Variants in ACAT2 observed in about 807,000 individuals in gnomAD.
ACAT2 encodes acetyl-CoA acetyltransferase, cytosolic.
A neutral mutation model predicts 37.1 loss-of-function variants in ACAT2; 26 were observed. The ratio of observed to expected loss-of-function variants is 0.70; its 90% CI spans 0.51 to 0.97. The LOEUF (loss-of-function observed/expected upper bound fraction) is 0.97, where lower values mean the gene tolerates loss of function less well. Among genes scored for constraint, ACAT2 ranks in the 50% least tolerant of loss-of-function variants. ACAT2 has a pLI of 0.00. For synonymous variants in ACAT2, 156 were observed against 163.6 expected (o/e 0.95, Z 0.35); for missense variants, 468 against 489.0 (o/e 0.96, Z 0.40).
At chr6:159,778,336 T>C in intron 8 of ACAT2, 56 bp downstream of exon 8, 1 of 1,273,356 alleles carries the variant, frequency 7.9e-7, no homozygotes, top group Non-Finnish European at 1.1e-6. Flanking sequence ...AATCCAATTT[T>C]AAGATAGTAT....
chr6:159,762,868 C>T (rs1780175476), intron 1 of ACAT2, 51 bp from the exon 2 acceptor site: 12 of 1,598,174 alleles, frequency 7.5e-6, no homozygotes, highest in Non-Finnish European at 1.0e-5. Flanking sequence ...AGGTGGTTCC[C>T]GTATTACCCG....
In ACAT2 at chr6:159,766,945, C is replaced by T. The variant is rs563651851; in HGVS notation, c.191-60C>T. On this transcript the variant is annotated intron_variant, in intron 2 of 8. Transcript: ENST00000367048. The stretch of plus-strand genomic sequence containing the variant: ...CAACTGGCAATTTTCCACACACTTT[C>T]ACTGTGACATTTTGTCTTTCTCCTT... 1.1e-4 allele frequency: 178 copies of T among 1,599,054 alleles called. No homozygotes were observed. The East Asian group carries it at 4.0e-3, about 36-fold the overall frequency.
In ACAT2 at chr6:159,778,873, A is replaced by T; in HGVS notation, c.*44A>T. 1 of 1,612,534 alleles carries T rather than the reference A, an allele frequency of 6.2e-7. No individual in the cohort carries two copies. The highest frequency in any genetic ancestry group is 8.5e-7 in the Non-Finnish European group (1 of 1,178,860). On this transcript the variant is annotated 3_prime_UTR_variant, in exon 9 of 9. Transcript: ENST00000367048. ...AACCTCAATTTCTTTTTAAACTAAT[A>T]AAGTACTAGGTTGCAATATGTGAAA...
At chr6:159,764,438 T>A (rs1207955009) in intron 2 of ACAT2, among the ~76,000 whole-genome samples, 1 of 151,436 alleles carries the variant, frequency 6.6e-6, no homozygotes, top group African/African-American at 2.4e-5. Context: ...ATTAATTAAT[T>A]ATTATTATTA....
At chr6:159,770,890 C>T (rs1780325979) in intron 4 of ACAT2, among the ~76,000 whole-genome samples, 1 of 151,896 alleles carries the variant, frequency 6.6e-6, no homozygotes, top group African/African-American at 2.4e-5. Flanking sequence ...CATGGGGAAA[C>T]CCTGTCTCTA....
intron 7 of ACAT2, among the ~76,000 whole-genome samples, chr6:159,777,859 G>A (rs532504027): frequency 6.6e-6 from 1 of 152,246 alleles, no homozygotes; most frequent in South Asian, 2.1e-4. Flanking sequence ...GAGAGCATTT[G>A]GATCACATGC....
Position 159,778,205 on chromosome 6 carries a change from CAT to C in ACAT2, c.951_952del (p.Phe318Ter). 1 of 1,612,692 alleles carries C rather than the reference CAT, an allele frequency of 6.2e-7. No individual in the cohort carries two copies. Among genetic ancestry groups the C allele is most frequent in the Non-Finnish European group, 8.5e-7 (1 of 1,179,622 alleles). On this transcript the variant is annotated frameshift_variant, in exon 8 of 9. Coordinates refer to ENST00000367048, the MANE Select transcript of ACAT2 (RefSeq NM_005891.3). LOFTEE classifies it high-confidence loss of function. The part of the protein sequence containing the change: ...KAGWSLEDVD[I>X]FEINEAFAAV... ...CAGGTTGGTCACTGGAAGATGTTGA[CAT>C]ATTTGAAATCAATGAAGCCTTTGCA...
At chr6:159,776,330 G>A (rs1234844342) in intron 6 of ACAT2, 58 bp downstream of exon 6, 7 of 1,561,240 alleles carry the variant, frequency 4.5e-6, no homozygotes, top group Non-Finnish European at 6.0e-6. Context: ...TCTACCGAGT[G>A]AATATTTTTC....
chr6:159,762,606 C>G, intron 1 of ACAT2: 2 of 1,397,652 alleles, frequency 1.4e-6, no homozygotes, highest in Non-Finnish European at 9.4e-7. Context: ...TTTCAACGCC[C>G]TTGACCCGCC....
At chr6:159,768,767 A>G in intron 4 of ACAT2, 139 bp downstream of exon 4, 1 of 523,836 alleles carries the variant, frequency 1.9e-6, no homozygotes, top group Non-Finnish European at 3.4e-6. Flanking sequence ...GATTAACTGA[A>G]GTGAAGTAAG....
chr6:159,778,224 G>A lies in ACAT2; in HGVS notation c.967G>A (p.Ala323Thr). 6.2e-7 allele frequency: 1 copy of A among 1,612,524 alleles called. No homozygotes were observed. Among genetic ancestry groups the A allele is most frequent in the Non-Finnish European group, 8.5e-7 (1 of 1,179,718 alleles). The change falls in exon 8 of 9, where the codon GCC becomes ACC. Residue 323 changes from alanine to threonine, a missense_variant. By Grantham distance (58) the Ala-to-Thr change is moderately conservative. Transcript: ENST00000367048. ...TGTTGACATATTTGAAATCAATGAA[G>A]CCTTTGCAGCTGTCTCTGCTGCAAT... ...EDVDIFEINE[A>T]FAAVSAAIVK...
At chr6:159,777,218 C>A in intron 6 of ACAT2, 84 bp from the exon 7 acceptor site, 1 of 1,428,318 alleles carries the variant, frequency 7.0e-7, no homozygotes, top group Non-Finnish European at 9.5e-7. Context: ...TCATTTAACT[C>A]ATGTCTTCAG....
rs1236044433 is a variant in ACAT2 at position 159,762,901 on chromosome 6, T to C, written c.56-18T>C. On this transcript the variant is annotated intron_variant, in intron 1 of 8. Coordinates refer to ENST00000367048, the MANE Select transcript of ACAT2 (RefSeq NM_005891.3). Reference sequence around the variant, plus strand: ...CCGCAGGCTTGTGATGTCCACGCTCTCCGCCTTTCTATTGTAGGTTCCTTC... The same window carrying C: ...CCGCAGGCTTGTGATGTCCACGCTCCCCGCCTTTCTATTGTAGGTTCCTTC... The C allele has an allele frequency of 6.2e-7, 1 of 1,607,856 alleles. No individual in the cohort carries two copies. Among genetic ancestry groups the C allele is most frequent in the African/African-American group, 1.3e-5 (1 of 74,794 alleles).
At chr6:159,775,129 C>T in intron 4 of ACAT2, 41 bp from the exon 5 acceptor site, 1 of 1,608,100 alleles carries the variant, frequency 6.2e-7, no homozygotes, top group Non-Finnish European at 8.5e-7. Context: ...AATGCCAGTT[C>T]ATGAAAATGT....
In ACAT2 at chr6:159,770,096, C is replaced by T. The variant is rs574725368; in HGVS notation, c.490+1468C>T. On this transcript the variant is annotated intron_variant, in intron 4 of 8. Coordinates refer to ENST00000367048, the MANE Select transcript of ACAT2 (RefSeq NM_005891.3). ...GCCATAGAGTAAAAGCTACTCTAGA[C>T]CCAAACTAATAAGCTTAAAAACAAG... 3.9e-5 allele frequency among the ~76,000 whole-genome samples: 6 copies of T among 152,242 alleles called. No individual in the cohort carries two copies. In the South Asian group the frequency reaches 6.2e-4, roughly 16 times the overall value.
Position 159,778,654 on chromosome 6 carries a change from G to GC in ACAT2, c.1024-5_1024-4insC. On this transcript the variant is annotated splice_polypyrimidine_tract_variant and splice_region_variant and intron_variant, in intron 8 of 8. Coordinates refer to ENST00000367048, the MANE Select transcript of ACAT2 (RefSeq NM_005891.3). ...AAACAATCTAAATCTTTTCTCCCCC[G>GC]TTAGGTCAATATTGAAGGAGGGGCT... 2 of 1,613,498 alleles carry GC rather than the reference G, an allele frequency of 1.2e-6. No individual in the cohort carries two copies. Among genetic ancestry groups the GC allele is most frequent in the East Asian group, 4.5e-5 (2 of 44,868 alleles).
In ACAT2 at chr6:159,766,379, T is replaced by C. The variant is rs116491876; in HGVS notation, c.191-626T>C. Among the ~76,000 whole-genome samples the C allele has an allele frequency of 5.2e-3, 783 of 151,194 alleles. 5 individuals carry two copies. Among genetic ancestry groups the C allele is most frequent in the African/African-American group, 0.018 (741 of 41,292 alleles). On this transcript the variant is annotated intron_variant, in intron 2 of 8. Transcript: ENST00000367048. ...CTGTGTTTATTAGACATAGGTTTGA[T>C]AATGCTTATTTAAGCACCCCCCCGC...
chr6:159,778,905 G>A lies in ACAT2; in HGVS notation c.*76G>A, dbSNP rs1338877782. 3.1e-6 allele frequency: 5 copies of A among 1,594,026 alleles called. No individual in the cohort carries two copies. The Admixed American group carries it at 6.8e-5, about 22-fold the overall frequency. ...TAGGTTGCAATATGTGAAATCAGAG[G>A]ACCAAAGTACAGATGGAAACCATTT... On this transcript the variant is annotated 3_prime_UTR_variant, in exon 9 of 9. Coordinates refer to ENST00000367048, the MANE Select transcript of ACAT2 (RefSeq NM_005891.3).
intron 5 of ACAT2, 56 bp downstream of exon 5, chr6:159,775,369 TAA>T: frequency 4.5e-6 from 7 of 1,561,342 alleles, no homozygotes; most frequent in Non-Finnish European, 6.1e-6. Context: ...GAGTAACATC[TAA>T]AAGAGTAATA....
Sources: allele counts gnomAD v4.1 joint callset (sites outside exome capture counted in the v4.1 genomes callset), GRCh38; gene constraint gnomAD v4.1.1; transcripts MANE v1.5; gene names NCBI Gene and HGNC (gene_info 2026-07-23, HGNC 2026-07-21).